ZBTB8A: variants seen among roughly 807,000 people sequenced by gnomAD.
ZBTB8A encodes the protein zinc finger and BTB domain containing 8A.
Under a neutral mutation model 37.8 loss-of-function variants are expected in ZBTB8A, and 19 were observed. The ratio of observed to expected loss-of-function variants is 0.50; its 90% CI spans 0.35 to 0.74. ZBTB8A has a LOEUF of 0.74. Among genes scored for constraint, ZBTB8A ranks in the 30% least tolerant of loss-of-function variants. The pLI, the probability that ZBTB8A is intolerant of heterozygous loss-of-function variation, is 0.01. For missense variants in ZBTB8A, 394 were observed against 537.8 expected (o/e 0.73, Z 2.65); for synonymous variants, 181 against 185.2 (o/e 0.98, Z 0.19).
intron 1 of ZBTB8A, among the ~76,000 whole-genome samples, chr1:32,541,464 T>G (rs1032662559): frequency 6.6e-6 from 1 of 152,220 alleles, no homozygotes; most frequent in African/African-American, 2.4e-5. Flanking sequence ...TGCCATCTTC[T>G]CAATGAGGCT....
chr1:32,555,757 C>T (rs1018073994), intron 2 of ZBTB8A, among the ~76,000 whole-genome samples: 1 of 152,134 alleles, frequency 6.6e-6, no homozygotes, highest in African/African-American at 2.4e-5. Flanking sequence ...ACCAGCATTT[C>T]TAGTGGCCTC....
chr1:32,598,832 G>A (rs1644552431), intron 4 of ZBTB8A, among the ~76,000 whole-genome samples: 1 of 152,024 alleles, frequency 6.6e-6, no homozygotes, highest in African/African-American at 2.4e-5. Flanking sequence ...AGCAAGCAAA[G>A]ATAATACTAG....
At chr1:32,575,628 C>T (rs540052572) in intron 2 of ZBTB8A, among the ~76,000 whole-genome samples, 3 of 151,538 alleles carry the variant, frequency 2.0e-5, no homozygotes, top group East Asian at 3.9e-4. Context: ...GTGGGAGGAT[C>T]GCTTAGGGCC....
At chr1:32,560,276 C>T (rs74536645) in intron 2 of ZBTB8A, among the ~76,000 whole-genome samples, 2,093 of 152,236 alleles carry the variant, frequency 0.014, 41 homozygotes, top group African/African-American at 0.048. Flanking sequence ...TGAGATTTGG[C>T]CAGGGACACA....
At position 32,600,943 on chromosome 1, in the gene ZBTB8A, A is replaced by G. The variant is rs1644571092; in HGVS notation, c.*524A>G. On this transcript the variant is annotated 3_prime_UTR_variant, in exon 5 of 5. Coordinates refer to ENST00000373510, the MANE Select transcript of ZBTB8A (RefSeq NM_001040441.3). ...AATTTGAGATCTGAAACAACCTGTC[A>G]TTACTCTGATATCCTGAACGTTTAA... 6.5e-6 allele frequency: 1 copy of G among 153,586 alleles called. No individual in the cohort carries two copies. Among genetic ancestry groups the G allele is most frequent in the Non-Finnish European group, 1.4e-5 (1 of 69,154 alleles). 9.5% of individuals were successfully genotyped at this position (153,586 alleles called of 1,614,324 possible).
intron 2 of ZBTB8A, among the ~76,000 whole-genome samples, chr1:32,574,652 G>A (rs763168712): frequency 2.6e-5 from 4 of 152,198 alleles, no homozygotes; most frequent in South Asian, 2.1e-4. Flanking sequence ...ATGGCTCAGG[G>A]TATGGTCTAT....
chr1:32,588,033 G>A (rs1250533172), intron 2 of ZBTB8A, among the ~76,000 whole-genome samples: 2 of 152,094 alleles, frequency 1.3e-5, no homozygotes, highest in Admixed American at 6.6e-5. Flanking sequence ...TGGGGAGGGC[G>A]TGGAAGCTCC....
Position 32,601,632 on chromosome 1 carries a change from A to T in ZBTB8A, c.*1213A>T. On this transcript the variant is annotated 3_prime_UTR_variant, in exon 5 of 5. Transcript: ENST00000373510. ...ACAAATGAGGAAATTAAGGTCAGAA[A>T]GTCTGAGAGAGAAAACTGATGATTG... 7.5e-6 allele frequency: 3 copies of T among 398,618 alleles called. No homozygotes were observed. The highest frequency in any genetic ancestry group is 1.3e-5 in the Non-Finnish European group (3 of 226,068). 24.7% of individuals were successfully genotyped at this position (398,618 alleles called of 1,614,324 possible).
intron 2 of ZBTB8A, among the ~76,000 whole-genome samples, chr1:32,558,513 G>A (rs1485213307): frequency 1.3e-5 from 2 of 151,756 alleles, no homozygotes; most frequent in African/African-American, 4.8e-5. Context: ...CTGGAGGTGG[G>A]AAGATATCCT....
rs1229791111 is a variant in ZBTB8A, at chr1:32,601,514, T to C, written c.*1095T>C. ...AACAAACTAGGAGGTTCTTACCATA[T>C]GTGAGTGATTTCTAACGTTTATGTA... On this transcript the variant is annotated 3_prime_UTR_variant, in exon 5 of 5. Coordinates refer to ENST00000373510, the MANE Select transcript of ZBTB8A (RefSeq NM_001040441.3). The C allele has an allele frequency of 1.3e-5, 5 of 397,456 alleles. No individual in the cohort carries two copies. Among genetic ancestry groups the C allele is most frequent in the South Asian group, 2.6e-4 (2 of 7,798 alleles). 24.6% of individuals were successfully genotyped at this position (397,456 alleles called of 1,614,324 possible).
intron 2 of ZBTB8A, among the ~76,000 whole-genome samples, chr1:32,565,305 G>A (rs531024378): frequency 1.5e-4 from 22 of 151,694 alleles, no homozygotes; most frequent in Non-Finnish European, 1.9e-4. Flanking sequence ...CAGGCTGGGC[G>A]ACAGGGCAAG....
chr1:32,567,757 A>G (rs1644291389), intron 2 of ZBTB8A, among the ~76,000 whole-genome samples: 2 of 130,176 alleles, frequency 1.5e-5, no homozygotes, highest in Admixed American at 1.9e-4. Flanking sequence ...GCGCCACTAC[A>G]CTCCAGCCTG....
chr1:32,575,426 C>A (rs1644352665), intron 2 of ZBTB8A, among the ~76,000 whole-genome samples: 1 of 151,070 alleles, frequency 6.6e-6, no homozygotes, highest in Non-Finnish European at 1.5e-5. Context: ...GGGGTTTCAC[C>A]ATGCTGGCCA....
intron 2 of ZBTB8A, among the ~76,000 whole-genome samples, chr1:32,581,802 A>T (rs529268664): frequency 6.6e-6 from 1 of 152,248 alleles, no homozygotes; most frequent in African/African-American, 2.4e-5. Flanking sequence ...ATCATGGCAG[A>T]AGGTGAAGGA....
intron 2 of ZBTB8A, among the ~76,000 whole-genome samples, chr1:32,589,030 A>T (rs1644468968): frequency 6.6e-6 from 1 of 152,032 alleles, no homozygotes; most frequent in African/African-American, 2.4e-5. Flanking sequence ...CCTGATTGGA[A>T]TGGGTTGATC....
intron 2 of ZBTB8A, among the ~76,000 whole-genome samples, chr1:32,581,500 C>A (rs190464573): frequency 6.7e-6 from 1 of 150,374 alleles, no homozygotes; most frequent in Non-Finnish European, 1.5e-5. Context: ...TACAGGCGCA[C>A]GCCAACATGT....
chr1:32,548,923 T>TGGCTCATGCCTGTAATCCCA (rs1311856221), intron 1 of ZBTB8A, among the ~76,000 whole-genome samples: 2 of 152,142 alleles, frequency 1.3e-5, no homozygotes, highest in Non-Finnish European at 2.9e-5. Context: ...CCAGGCACCG[T>TGGCTCATGCCTGTAATCCCA]GGCTCATGCC....
At chr1:32,552,915 CAT>C (rs988230421) in intron 1 of ZBTB8A, among the ~76,000 whole-genome samples, 24 of 147,758 alleles carry the variant, frequency 1.6e-4, no homozygotes, top group Non-Finnish European at 3.4e-4. Context: ...TATTTTAAAT[CAT>C]ATATTACATA....
chr1:32,563,643 G>C (rs1331241809), intron 2 of ZBTB8A, among the ~76,000 whole-genome samples: 1 of 151,936 alleles, frequency 6.6e-6, no homozygotes, highest in East Asian at 1.9e-4. Context: ...TTGTGTGTGT[G>C]TGTCTTTTTA....
Sources: gnomAD v4.1 joint callset for allele counts (sites outside exome capture counted in the v4.1 genomes callset) on GRCh38, gnomAD v4.1.1 for gene constraint, MANE v1.5 for transcripts, NCBI Gene and HGNC (gene_info 2026-07-23, HGNC 2026-07-21) for gene names.